Variants in DNAJC15 observed in about 807,000 individuals in gnomAD.
DNAJC15 encodes DnaJ heat shock protein family (Hsp40) member C15, also known as dnaJ homolog subfamily C member 15.
A neutral mutation model predicts 22.4 loss-of-function variants in DNAJC15; 27 were observed. The ratio of observed to expected loss-of-function variants is 1.20; its 90% CI spans 0.89 to 1.66. The LOEUF (loss-of-function observed/expected upper bound fraction) is 1.66. Among genes scored for constraint, DNAJC15 ranks in the 40% most tolerant of loss-of-function variants. The pLI is 0.00. For synonymous variants in DNAJC15, 79 were observed against 63.2 expected, an observed-to-expected ratio of 1.25 and a Z score of -1.19; for missense variants, 208 against 187.1, an observed-to-expected ratio of 1.11 and a Z score of -0.65.
chr13:43,023,783 C>G lies in DNAJC15; in HGVS notation c.108+49C>G, dbSNP rs2153439123. 7 of 1,514,128 alleles carry G rather than the reference C, an allele frequency of 4.6e-6. No homozygotes were observed. In the East Asian group the frequency reaches 7.3e-5, roughly 16 times the overall value. 93.8% of individuals were successfully genotyped at this position (1,514,128 alleles called of 1,614,324 possible). A position where few individuals can be genotyped will look rare whatever the true frequency, so the allele number is the denominator to read the frequency against. ...CCCCTCTCTGGCTCCCTTGTAGTTT[C>G]TGCTTCAGCCCCCTCTACCGCCTCA... is the stretch of plus-strand genomic sequence containing the variant. On this transcript the variant is annotated intron_variant, in intron 1 of 5. Coordinates refer to ENST00000379221, the MANE Select transcript of DNAJC15 (RefSeq NM_013238.3).
intron 5 of DNAJC15, among the ~76,000 whole-genome samples, chr13:43,090,857 A>G (rs1402070120): frequency 6.6e-6 from 1 of 150,558 alleles, no homozygotes; most frequent in African/African-American, 2.4e-5. Flanking sequence ...ACAGGCGCCC[A>G]CCACCACACC....
chr13:43,039,204 C>T (rs1317253905), intron 1 of DNAJC15, among the ~76,000 whole-genome samples: 3 of 152,114 alleles, frequency 2.0e-5, no homozygotes, highest in African/African-American at 7.2e-5. Flanking sequence ...ACTTCTCGGG[C>T]CCTCAGTGTC....
At chr13:43,030,550 T>TAG (rs1236076651) in intron 1 of DNAJC15, among the ~76,000 whole-genome samples, 1 of 152,220 alleles carries the variant, frequency 6.6e-6, no homozygotes, top group Admixed American at 6.5e-5. Context: ...TAAAGACAGT[T>TAG]TCTCTAAGTG....
chr13:43,076,884 A>G (rs2040636302), intron 3 of DNAJC15, among the ~76,000 whole-genome samples: 1 of 152,134 alleles, frequency 6.6e-6, no homozygotes, highest in South Asian at 2.1e-4. Context: ...TACCTATTAG[A>G]AACTTTGAAA....
At chr13:43,044,612 TTTA>T (rs1462088235) in intron 1 of DNAJC15, among the ~76,000 whole-genome samples, 1 of 152,194 alleles carries the variant, frequency 6.6e-6, no homozygotes, top group Admixed American at 6.5e-5. Context: ...TTGCAAAGAC[TTTA>T]TTTTCTTTGT....
At chr13:43,103,347 T>C (rs149851600) in intron 5 of DNAJC15, among the ~76,000 whole-genome samples, 1 of 152,158 alleles carries the variant, frequency 6.6e-6, no homozygotes, top group Admixed American at 6.5e-5. Flanking sequence ...ATGAGAAAAT[T>C]GAAGAAAAAA....
chr13:43,044,901 C>T (rs889630136), intron 1 of DNAJC15, among the ~76,000 whole-genome samples: 1 of 152,040 alleles, frequency 6.6e-6, no homozygotes, highest in Admixed American at 6.6e-5. Flanking sequence ...CAACTCATCC[C>T]CATGCCTCTG....
chr13:43,076,854 T>C (rs1260877540), intron 3 of DNAJC15, among the ~76,000 whole-genome samples: 1 of 152,206 alleles, frequency 6.6e-6, no homozygotes, highest in Non-Finnish European at 1.5e-5. Flanking sequence ...AGAGGTCAGT[T>C]TGTGGCTCTC....
chr13:43,098,099 T>C (rs1313007883), intron 5 of DNAJC15, among the ~76,000 whole-genome samples: 2 of 152,162 alleles, frequency 1.3e-5, no homozygotes, highest in African/African-American at 4.8e-5. Flanking sequence ...TTAGAGGGGA[T>C]CTATGCAATA....
chr13:43,086,111 G>A (rs1000447563), intron 5 of DNAJC15, among the ~76,000 whole-genome samples: 1 of 152,108 alleles, frequency 6.6e-6, no homozygotes, highest in African/African-American at 2.4e-5. Flanking sequence ...AAGAAAAATC[G>A]AAAACACGAG....
intron 4 of DNAJC15, among the ~76,000 whole-genome samples, chr13:43,084,214 A>T (rs1317566164): frequency 6.6e-6 from 1 of 152,232 alleles, no homozygotes; most frequent in Non-Finnish European, 1.5e-5. Flanking sequence ...GCCATCCAAG[A>T]AATGTTAAGT....
chr13:43,075,102 CT>C, intron 3 of DNAJC15, among the ~76,000 whole-genome samples: 1 of 152,228 alleles, frequency 6.6e-6, no homozygotes, highest in South Asian at 2.1e-4. Flanking sequence ...TTTGTTTTCT[CT>C]TTGTATACTT....
intron 1 of DNAJC15, among the ~76,000 whole-genome samples, chr13:43,026,289 A>G (rs1443254890): frequency 1.3e-5 from 2 of 152,228 alleles, no homozygotes; most frequent in African/African-American, 4.8e-5. Flanking sequence ...ATTATCATAA[A>G]CTTTTCACCT....
Position 43,095,249 on chromosome 13 carries a change from A to G in DNAJC15, c.382+9411A>G, listed in dbSNP as rs531758896. Among the ~76,000 whole-genome samples, 6 of 152,324 alleles carry G rather than the reference A, an allele frequency of 3.9e-5. 1 individual carries two copies. The East Asian group carries it at 5.8e-4, about 15-fold the overall frequency. On this transcript the variant is annotated intron_variant, in intron 5 of 5. Coordinates refer to ENST00000379221, the MANE Select transcript of DNAJC15 (RefSeq NM_013238.3). Reference sequence around the variant, plus strand: ...AGTGAATTTGAGATATGTTTTAGAAACAGAAGCAACAGTTACTGCTGCTTG... The same window carrying G: ...AGTGAATTTGAGATATGTTTTAGAAGCAGAAGCAACAGTTACTGCTGCTTG...
intron 5 of DNAJC15, among the ~76,000 whole-genome samples, chr13:43,094,147 A>G (rs2040728467): frequency 6.6e-6 from 1 of 152,250 alleles, no homozygotes; most frequent in Non-Finnish European, 1.5e-5. Context: ...TGAACTTTCA[A>G]GGTCTATTAT....
intron 1 of DNAJC15, among the ~76,000 whole-genome samples, chr13:43,036,145 A>G (rs1785344652): frequency 6.6e-6 from 1 of 150,490 alleles, no homozygotes; most frequent in African/African-American, 2.4e-5. Context: ...GTGATTGGAC[A>G]AAATGTTTTT....
intron 5 of DNAJC15, among the ~76,000 whole-genome samples, chr13:43,093,513 C>A (rs766438596): frequency 1.3e-5 from 2 of 152,176 alleles, no homozygotes; most frequent in Non-Finnish European, 2.9e-5. Flanking sequence ...CAGACTCAAG[C>A]AGTCCTCTTA....
intron 5 of DNAJC15, among the ~76,000 whole-genome samples, chr13:43,101,174 T>C (rs1338626953): frequency 1.5e-4 from 23 of 152,222 alleles, no homozygotes; most frequent in Admixed American, 1.5e-3. Flanking sequence ...GAACATATAG[T>C]TGGCTCATGC....
At chr13:43,024,893 T>TAAGAA (rs61705035) in intron 1 of DNAJC15, among the ~76,000 whole-genome samples, 27 of 85,956 alleles carry the variant, frequency 3.1e-4, no homozygotes, top group South Asian at 1.9e-3. Flanking sequence ...CCATCTCTGC[T>TAAGAA]AAAAAAAAAA....
Sources: gnomAD v4.1 joint callset for allele counts (sites outside exome capture counted in the v4.1 genomes callset) on GRCh38, gnomAD v4.1.1 for gene constraint, MANE v1.5 for transcripts, NCBI Gene and HGNC (gene_info 2026-07-23, HGNC 2026-07-21) for gene names.